The following NMNAT3 variants were observed in gnomAD, a reference collection of about 807,000 sequenced individuals.
NMNAT3 encodes nicotinamide nucleotide adenylyltransferase 3.
NMNAT3 carries 21 observed loss-of-function variants against 24.8 expected under a neutral mutation model. That is an observed-to-expected ratio of 0.85 (90% CI 0.60 to 1.22). The LOEUF is 1.22. NMNAT3 is among the 50% of genes most tolerant of loss of function. The pLI is 0.00. For missense variants in NMNAT3, 387 were observed against 436.6 expected, an observed-to-expected ratio of 0.89 and a Z score of 1.01; for synonymous variants, 136 against 155.2, an observed-to-expected ratio of 0.88 and a Z score of 0.92.
rs973332603 is a variant in NMNAT3 at position 139,583,155 on chromosome 3, T to C, written c.163A>G (p.Ile55Val). The stretch of plus-strand genomic sequence containing the variant: ...TGAAAAGAAATATCTTTTATTGAGA[T>C]AGACTGAGGTCCAGGAAAAACAAGT... Residue 55 changes from isoleucine to valine, a missense_variant, in exon 4 of 7, where the codon ATC becomes GTC. Physicochemically the swap from Ile to Val is conservative, Grantham distance 29 (BLOSUM62 3). Transcript: ENST00000643695. The C allele has an allele frequency of 5.9e-6, 8 of 1,346,812 alleles. No individual in the cohort carries two copies. In the Admixed American group the frequency reaches 9.0e-5, roughly 15 times the overall value. 83.4% of individuals were successfully genotyped at this position (1,346,812 alleles called of 1,614,324 possible). A position where few individuals can be genotyped will look rare whatever the true frequency, so the allele number is the denominator to read the frequency against.
At chr3:139,670,782 T>C (rs527896511) in intron 1 of NMNAT3, among the ~76,000 whole-genome samples, 2 of 152,324 alleles carry the variant, frequency 1.3e-5, no homozygotes, top group East Asian at 3.9e-4. Flanking sequence ...GAGAGTTTGC[T>C]GAAATGTCAC....
chr3:139,568,959 A>G (rs1559855002), intron 6 of NMNAT3: 1 of 152,114 alleles, frequency 6.6e-6, no homozygotes, highest in African/African-American at 2.4e-5. Flanking sequence ...GTCTCCCATT[A>G]TTATTGTGTG....
At chr3:139,596,964 A>ATATATATATT (rs1405063694) in intron 3 of NMNAT3, among the ~76,000 whole-genome samples, 10 of 108,552 alleles carry the variant, frequency 9.2e-5, no homozygotes, top group Non-Finnish European at 1.5e-4. Flanking sequence ...ATATATATAT[A>ATATATATATT]TTTTTATTAC....
intron 3 of NMNAT3, among the ~76,000 whole-genome samples, chr3:139,618,500 G>A (rs2108281486): frequency 6.6e-6 from 1 of 151,604 alleles, no homozygotes; most frequent in Middle Eastern, 3.4e-3. Context: ...AGGCCCAAAA[G>A]TAGTTAGTGC....
chr3:139,675,999 G>A (rs1013320910), intron 1 of NMNAT3, among the ~76,000 whole-genome samples: 3 of 152,230 alleles, frequency 2.0e-5, no homozygotes, highest in Non-Finnish European at 4.4e-5. Context: ...CCAGGTCTGT[G>A]ACCACCAAGC....
At chr3:139,597,758 A>T (rs2054544765) in intron 3 of NMNAT3, among the ~76,000 whole-genome samples, 2 of 152,210 alleles carry the variant, frequency 1.3e-5, no homozygotes, top group African/African-American at 4.8e-5. Context: ...GACCAATGGG[A>T]TAGTAGCAGA....
chr3:139,599,182 T>A (rs2054602410), intron 3 of NMNAT3: 1 of 581,416 alleles, frequency 1.7e-6, no homozygotes, highest in Non-Finnish European at 3.0e-6. Context: ...TTATTAAAAA[T>A]TACCATACAT....
chr3:139,660,152 TCTC>T (rs1376029569), intron 1 of NMNAT3, among the ~76,000 whole-genome samples: 1 of 152,068 alleles, frequency 6.6e-6, no homozygotes, highest in Non-Finnish European at 1.5e-5. Context: ...GGGAAGCCCC[TCTC>T]CTCCTGAGTA....
intron 1 of NMNAT3, among the ~76,000 whole-genome samples, chr3:139,669,665 T>C (rs1445543380): frequency 6.6e-6 from 1 of 152,144 alleles, no homozygotes; most frequent in Non-Finnish European, 1.5e-5. Context: ...ATATTTATCA[T>C]AGCACCTAAA....
intron 5 of NMNAT3, among the ~76,000 whole-genome samples, chr3:139,574,798 A>C (rs1300119228): frequency 6.6e-6 from 1 of 152,192 alleles, no homozygotes; most frequent in Non-Finnish European, 1.5e-5. Context: ...AAAGATCATG[A>C]ATGAAAAATT....
intron 6 of NMNAT3, 31 bp downstream of exon 6, chr3:139,573,567 T>G (rs558149421): frequency 7.3e-7 from 1 of 1,377,378 alleles, no homozygotes; most frequent in Non-Finnish European, 1.0e-6. Context: ...TGACATCTCA[T>G]TCTCCTACAG....
In NMNAT3 at chr3:139,675,135, T is replaced by TACACACACACACACAAAC. The variant is rs1553766849; in HGVS notation, c.-141+2569_-141+2570insGTTTGTGTGTGTGTGTGT. On this transcript the variant is annotated intron_variant, in intron 1 of 6. Transcript: ENST00000643695. ...CTTACCTTCGTATTCCTTTTAAACA[T>TACACACACACACACAAAC]ACACACACACACACACACACACACA... 1.7e-3 allele frequency among the ~76,000 whole-genome samples: 255 copies of TACACACACACACACAAAC among 148,344 alleles called. 1 individual carries two copies. The highest frequency in any genetic ancestry group is 2.3e-3 in the Admixed American group (35 of 14,934).
intron 3 of NMNAT3, among the ~76,000 whole-genome samples, chr3:139,606,831 C>CTTCTCATTA (rs2054968063): frequency 6.6e-6 from 1 of 151,970 alleles, no homozygotes; most frequent in African/African-American, 2.4e-5. Flanking sequence ...GGTGTAATCC[C>CTTCTCATTA]TTCTCATTAT....
chr3:139,593,028 T>C (rs376891985), intron 3 of NMNAT3, among the ~76,000 whole-genome samples: 11 of 152,160 alleles, frequency 7.2e-5, no homozygotes, highest in Admixed American at 2.0e-4. Context: ...GACTGGCAAA[T>C]TGGATAAAGA....
At chr3:139,566,333 G>T in intron 6 of NMNAT3, 1 of 152,004 alleles carries the variant, frequency 6.6e-6, no homozygotes, top group Non-Finnish European at 1.5e-5. Flanking sequence ...TCTGATGGTA[G>T]TTTCTTTTGC....
chr3:139,570,791 G>A (rs1343712061), intron 6 of NMNAT3: 2 of 152,796 alleles, frequency 1.3e-5, no homozygotes, highest in Non-Finnish European at 2.9e-5. Context: ...CGGGGGTCAG[G>A]GACCTACTTG....
At chr3:139,622,347 T>C (rs2055814494) in intron 3 of NMNAT3, among the ~76,000 whole-genome samples, 1 of 151,910 alleles carries the variant, frequency 6.6e-6, no homozygotes. Flanking sequence ...TGTTTAGCAG[T>C]TTTTCATATA....
rs1396217390 is a variant in NMNAT3 at position 139,636,545 on chromosome 3, G to A, written c.-41+1418C>T. On this transcript the variant is annotated intron_variant, in intron 2 of 6. Coordinates refer to ENST00000643695, the MANE Select transcript of NMNAT3 (RefSeq NM_001320510.2). ...GCTTCTAGTGGGCATTTGCCATATG[G>A]CTTGGCAGTTTAATGATTTTCTGAT... 2.6e-5 allele frequency: 4 copies of A among 152,280 alleles called. No homozygotes were observed. In the East Asian group the frequency reaches 7.7e-4, roughly 29 times the overall value. 9.4% of individuals were successfully genotyped at this position (152,280 alleles called of 1,614,324 possible). A position where few individuals can be genotyped will look rare whatever the true frequency, so the allele number is the denominator to read the frequency against.
At chr3:139,649,234 G>A (rs1021152750) in intron 1 of NMNAT3, among the ~76,000 whole-genome samples, 3 of 152,074 alleles carry the variant, frequency 2.0e-5, no homozygotes, top group Non-Finnish European at 2.9e-5. Context: ...CTCAGTGAAG[G>A]GCTATGCAGG....
Sources: gnomAD v4.1 joint callset for allele counts (sites outside exome capture counted in the v4.1 genomes callset) on GRCh38, gnomAD v4.1.1 for gene constraint, MANE v1.5 for transcripts, NCBI Gene and HGNC (gene_info 2026-07-23, HGNC 2026-07-21) for gene names.